The following TTN variants were observed in gnomAD, a reference collection of about 807,000 sequenced individuals.
The protein encoded by TTN is titin.
In TTN, 1,525 loss-of-function variants were observed where a neutral mutation model predicts 3,223.0. The ratio of observed to expected loss-of-function variants is 0.47; its 90% confidence interval spans 0.45 to 0.49. The LOEUF is 0.49. TTN is among the 20% of genes least tolerant of loss of function. The pLI is 0.00. For missense variants in TTN, 40,786 were observed against 43,424.0 expected (o/e 0.94, Z 5.40); for synonymous variants, 14,094 against 15,161.0 (o/e 0.93, Z 5.17).
In TTN at chr2:178,575,067, T is replaced by C. The variant is rs755034022; in HGVS notation, c.71065A>G (p.Thr23689Ala). ...ACACACTCATTGATATTTAAAATGG[T>C]TGAAGTCGCTGTGGTTTCAAAATTA... ...RVNFETTATS[T>A]ILNINECVRS... The change falls in exon 326 of 363, where the codon ACC (threonine) becomes GCC (alanine). Residue 23689 changes from threonine to alanine, a missense_variant. Coordinates refer to ENST00000589042, the MANE Select transcript of TTN (RefSeq NM_001267550.2). This position sits in a 1 kb window ranked among gnomAD's most constrained non-coding sequence, Gnocchi z 4.0. The C allele has an allele frequency of 3.1e-6, 5 of 1,613,402 alleles. No individual in the cohort carries two copies. The highest frequency in any genetic ancestry group is 4.2e-6 in the Non-Finnish European group (5 of 1,179,616).
At chr2:178,672,366 A>T in intron 154 of TTN, 41 bp downstream of exon 154, 1 of 1,599,900 alleles carries the variant, frequency 6.3e-7, no homozygotes, top group Middle Eastern at 1.7e-4. Context: ...AAAGGATTGC[A>T]TGCAACAATA....
chr2:178,789,277 G>A (rs2093365166), intron 13 of TTN, 83 bp downstream of exon 13: 5 of 1,550,284 alleles, frequency 3.2e-6, no homozygotes, highest in Non-Finnish European at 4.4e-6. Flanking sequence ...TGATATTAAT[G>A]TATTACAATA....
At chr2:178,595,404 A>G in intron 295 of TTN, 103 bp downstream of exon 295, 3 of 1,126,352 alleles carry the variant, frequency 2.7e-6, no homozygotes, top group Non-Finnish European at 3.8e-6. Flanking sequence ...CTGCTTGTCA[A>G]GTGAATGAAA....
In TTN at chr2:178,741,367, T is replaced by C. The variant is rs2154318798; in HGVS notation, c.11866A>G (p.Ile3956Val). ...TCTCCAACCACTGTGTACTCAAAGATGGCAGGAAGCCCTTGAGCACAGCGA... is the reference window on the plus strand; with the variant it reads ...TCTCCAACCACTGTGTACTCAAAGACGGCAGGAAGCCCTTGAGCACAGCGA... Reference protein sequence around the residue: ...PIRCAQGLPAIFEYTVVGEPA... With the variant: ...PIRCAQGLPAVFEYTVVGEPA... Residue 3956 changes from isoleucine to valine, a missense_variant, in exon 48 of 363, where the codon ATC (isoleucine) becomes GTC (valine). Coordinates refer to ENST00000589042, the MANE Select transcript of TTN (RefSeq NM_001267550.2). 6.2e-7 allele frequency: 1 copy of C among 1,613,924 alleles called. No homozygotes were observed. The highest frequency in any genetic ancestry group is 2.2e-5 in the East Asian group (1 of 44,862).
At position 178,541,389 on chromosome 2, in the gene TTN, C is replaced by T. The variant is rs1268910714; in HGVS notation, c.97688G>A (p.Gly32563Asp). 6.2e-7 allele frequency: 1 copy of T among 1,611,334 alleles called. No homozygotes were observed. Among genetic ancestry groups the T allele is most frequent in the Admixed American group, 1.7e-5 (1 of 59,802 alleles). ...PVTMTRYRST[G>D]LTEGLEYEHR... Reference sequence around the variant, plus strand: ...TTCATATTCTAAGCCTTCAGTAAGGCCAGTGGAGCGGTACCGTGTCATTGT... The same window carrying T: ...TTCATATTCTAAGCCTTCAGTAAGGTCAGTGGAGCGGTACCGTGTCATTGT... Residue 32563 changes from glycine (G) to aspartate (D), a missense_variant, in exon 350 of 363, where the codon GGC becomes GAC. Physicochemically the swap from Gly to Asp is moderately conservative, Grantham distance 94. Transcript: ENST00000589042.
chr2:178,583,515 T>G, intron 312 of TTN, 92 bp downstream of exon 312: 1 of 1,308,366 alleles, frequency 7.6e-7, no homozygotes, highest in East Asian at 2.6e-5. Context: ...ATTTTCCTTT[T>G]TTCCTTAGGT....
chr2:178,689,341 CTTCA>C lies in TTN; in HGVS notation c.31956_31959del (p.Glu10653LysfsTer54). 3 of 1,613,784 alleles carry C rather than the reference CTTCA, an allele frequency of 1.9e-6. No individual in the cohort carries two copies. Among genetic ancestry groups the C allele is most frequent in the Non-Finnish European group, 2.5e-6 (3 of 1,179,828 alleles). On this transcript the variant is annotated frameshift_variant, in exon 124 of 363. Transcript: ENST00000589042. LOFTEE classifies it high-confidence loss of function. Reference sequence around the variant, plus strand: ...TCCTTCCGAGGAACAGGTTTCCTTTCTTCAGGAACTTTCTTCTTTGGTATTTCTG... The same window carrying C: ...TCCTTCCGAGGAACAGGTTTCCTTTCGGAACTTTCTTCTTTGGTATTTCTG...
At chr2:178,679,844 CA>C in intron 140 of TTN, 49 bp downstream of exon 140, 1 of 1,603,428 alleles carries the variant, frequency 6.2e-7, no homozygotes, top group Non-Finnish European at 8.5e-7. Flanking sequence ...ATCAGACCCC[CA>C]AACTCCAAAG....
At position 178,589,529 on chromosome 2, in the gene TTN, T is replaced by A; in HGVS notation, c.62196A>T (p.Arg20732Ser). The A allele has an allele frequency of 2.5e-6, 4 of 1,613,462 alleles. No homozygotes were observed. Among genetic ancestry groups the A allele is most frequent in the Non-Finnish European group, 3.4e-6 (4 of 1,179,652 alleles). The change falls in exon 304 of 363, where the codon AGA (arginine) becomes AGT (serine). Residue 20732 changes from arginine (R) to serine (S), a missense_variant. By Grantham distance (110) the Arg-to-Ser change is moderately radical. Coordinates refer to ENST00000589042, the MANE Select transcript of TTN (RefSeq NM_001267550.2). ...SIKETHYMVDRCVENQIYEFR... is the reference protein window; with the variant it reads ...SIKETHYMVDSCVENQIYEFR... Reference sequence around the variant, plus strand: ...ACTCATAAATCTGGTTTTCAACACATCTGTCAACCATGTAGTGAGTTTCTT... The same window carrying A: ...ACTCATAAATCTGGTTTTCAACACAACTGTCAACCATGTAGTGAGTTTCTT...
In TTN at chr2:178,554,651, T is replaced by C; in HGVS notation, c.88696A>G (p.Ile29566Val). The change falls in exon 332 of 363, where the codon ATC becomes GTC. Residue 29566 changes from isoleucine (I) to valine (V), a missense_variant. By Grantham distance (29) the Ile-to-Val change is conservative (BLOSUM62 3). Transcript: ENST00000589042. Reference sequence around the variant, plus strand: ...CGCTTTTCCACAATGTAGTGAGTGATTTTTGCACCACCATCATCAGCTGGA... The same window carrying C: ...CGCTTTTCCACAATGTAGTGAGTGACTTTTGCACCACCATCATCAGCTGGA... ...RPPADDGGAK[I>V]THYIVEKRET... is the part of the protein sequence containing the mutation. 1 of 1,613,912 alleles carries C rather than the reference T, an allele frequency of 6.2e-7. No individual in the cohort carries two copies. Among genetic ancestry groups the C allele is most frequent in the Non-Finnish European group, 8.5e-7 (1 of 1,179,844 alleles).
chr2:178,628,679 TCCACATATGTGGATAA>T (rs1228343220), intron 240 of TTN: 8 of 152,120 alleles, frequency 5.3e-5, no homozygotes, highest in African/African-American at 1.9e-4. Context: ...AAATATTTCA[TCCACATATGTGGATAA>T]CCACAGAGCC....
intron 313 of TTN, 29 bp from the exon 314 acceptor site, chr2:178,582,621 T>A (rs1369419077): frequency 6.4e-7 from 1 of 1,573,890 alleles, no homozygotes; most frequent in East Asian, 2.3e-5. Context: ...AGAGTGAATA[T>A]GTGGAATGGG....
In TTN at chr2:178,678,511, AT is replaced by A. The variant is rs2068607877; in HGVS notation, c.33827-15del. 2.6e-6 allele frequency: 4 copies of A among 1,545,410 alleles called. No individual in the cohort carries two copies. The highest frequency in any genetic ancestry group is 3.5e-6 in the Non-Finnish European group (4 of 1,149,760). Reference sequence around the variant, plus strand: ...GTACCTCTGGCACTTTAACGAAATGATTTAGAGAAAAATTTTATACGACATA... The same window carrying A: ...GTACCTCTGGCACTTTAACGAAATGATTAGAGAAAAATTTTATACGACATA... On this transcript the variant is annotated splice_polypyrimidine_tract_variant and intron_variant, in intron 143 of 362. Coordinates refer to ENST00000589042, the MANE Select transcript of TTN (RefSeq NM_001267550.2).
chr2:178,796,111 G>A lies in TTN; in HGVS notation c.915-859C>T, dbSNP rs146248645. Among the ~76,000 whole-genome samples, 14 of 152,298 alleles carry A rather than the reference G, an allele frequency of 9.2e-5. 1 individual carries two copies. The East Asian group carries it at 2.3e-3, about 25-fold the overall frequency. On this transcript the variant is annotated intron_variant, in intron 6 of 362. Transcript: ENST00000589042. The stretch of plus-strand genomic sequence containing the variant: ...CAAAGTGCAAGTAGCATCAGTTGAA[G>A]AATTTGGGTGCTAAATCCCAGCACT...
Position 178,566,031 on chromosome 2 carries a change from A to G in TTN, c.80101T>C (p.Phe26701Leu), listed in dbSNP as rs575784937. 6.8e-6 allele frequency: 11 copies of G among 1,613,542 alleles called. No homozygotes were observed. The South Asian group carries it at 9.9e-5, about 14-fold the overall frequency. ...ATGATGGGTGGCTCCCATACCAGGA[A>G]GGCAGAATCTTTTCTCACTTCTTTG... ...AVKEVRKDSA[F>L]LVWEPPIIDG... Residue 26701 changes from phenylalanine to leucine, a missense_variant, in exon 326 of 363, where the codon TTC (phenylalanine) becomes CTC (leucine). Transcript: ENST00000589042.
Position 178,785,980 on chromosome 2 carries a change from T to G in TTN, c.2238A>C (p.Val746=). The change falls in exon 14 of 363, where the codon GTA becomes GTC. Residue 746 remains valine, a synonymous_variant. Transcript: ENST00000589042. ...AGGCTGGACGTTGGGGAGGCTCAGC[T>G]ACCTTTGCGGCGGAAATGCGTTCCT... The part of the protein sequence containing the change: ...GYKERISAAK[V]AEPPQRPASE... The G allele has an allele frequency of 6.2e-7, 1 of 1,614,148 alleles. No individual in the cohort carries two copies. Among genetic ancestry groups the G allele is most frequent in the East Asian group, 2.2e-5 (1 of 44,874 alleles).
intron 239 of TTN, 126 bp from the exon 240 acceptor site, chr2:178,629,569 A>G: frequency 7.2e-7 from 1 of 1,386,756 alleles, no homozygotes. Flanking sequence ...CCACTATTTT[A>G]ACTCCCACGT....
Position 178,651,475 on chromosome 2 carries a change from CT to C in TTN, c.39524del (p.Lys13175SerfsTer22). The stretch of plus-strand genomic sequence containing the variant: ...TACCTTTAGCAGGTGGGGCTTCTGG[CT>C]TTTTGGGAACCACCAGAGGCACCTT... ...EKKVPLVVPK[K>X]PEAPPAKVPE... is the part of the protein sequence containing the mutation. On this transcript the variant is annotated frameshift_variant, in exon 207 of 363. Coordinates refer to ENST00000589042, the MANE Select transcript of TTN (RefSeq NM_001267550.2). LOFTEE classifies it high-confidence loss of function. The C allele has an allele frequency of 6.2e-7, 1 of 1,611,912 alleles. No homozygotes were observed. The highest frequency in any genetic ancestry group is 8.5e-7 in the Non-Finnish European group (1 of 1,179,218).
rs72648925 is a variant in TTN, at chr2:178,735,576, G to A, written c.14870C>T (p.Thr4957Ile). 45 of 1,612,844 alleles carry A rather than the reference G, an allele frequency of 2.8e-5. No individual in the cohort carries two copies. Among genetic ancestry groups the A allele is most frequent in the Non-Finnish European group, 3.6e-5 (42 of 1,179,592 alleles). Residue 4957 changes from threonine to isoleucine, a missense_variant, in exon 50 of 363, where the codon ACC becomes ATC. Coordinates refer to ENST00000589042, the MANE Select transcript of TTN (RefSeq NM_001267550.2). The stretch of plus-strand genomic sequence containing the variant: ...CTCATTTGAAGCTGTACAGACATAG[G>A]TTCCTGAATCTTTCAGTTTGGCCAA... ...IPLAKLKDSGTYVCTASNEAG... is the reference protein window; with the variant it reads ...IPLAKLKDSGIYVCTASNEAG...
Sources: allele counts gnomAD v4.1 joint callset (sites outside exome capture counted in the v4.1 genomes callset), GRCh38; gene constraint gnomAD v4.1.1; non-coding constraint Gnocchi (gnomAD v3.1); transcripts MANE v1.5; gene names NCBI Gene and HGNC (gene_info 2026-07-23, HGNC 2026-07-21).